The following STK4 variants were observed in gnomAD, a reference collection of about 807,000 sequenced individuals.
The protein encoded by STK4 is serine/threonine-protein kinase 4.
Under a neutral mutation model 64.9 loss-of-function variants are expected in STK4, and 30 were observed. That is an observed-to-expected ratio of 0.46 (90% CI 0.35 to 0.63). The LOEUF is 0.63. Among genes scored for constraint, STK4 ranks in the 20% least tolerant of loss-of-function variants. STK4 has a pLI of 0.01. For synonymous variants in STK4, 177 were observed against 199.0 expected, an observed-to-expected ratio of 0.89 and a Z score of 0.93; for missense variants, 466 against 598.5, an observed-to-expected ratio of 0.78 and a Z score of 2.31.
chr20:45,034,916 C>T (rs1377936189), intron 10 of STK4, among the ~76,000 whole-genome samples: 2 of 151,776 alleles, frequency 1.3e-5, no homozygotes, highest in Non-Finnish European at 2.9e-5. Flanking sequence ...GACCCCATGT[C>T]TTAAAACAAC....
At chr20:44,996,102 A>G (rs2067725105) in intron 6 of STK4, among the ~76,000 whole-genome samples, 1 of 152,060 alleles carries the variant, frequency 6.6e-6, no homozygotes, top group Non-Finnish European at 1.5e-5. Flanking sequence ...TTCATTTTTT[A>G]TCTTTCTTCT....
intron 10 of STK4, among the ~76,000 whole-genome samples, chr20:45,039,318 T>C (rs1333930832): frequency 6.6e-6 from 1 of 152,016 alleles, no homozygotes; most frequent in Non-Finnish European, 1.5e-5. Flanking sequence ...TTAAACAATA[T>C]AAAAAAACCC....
intron 10 of STK4, among the ~76,000 whole-genome samples, chr20:45,059,065 T>C (rs2299978): frequency 0.5 from 76,684 of 151,992 alleles, 20,155 homozygotes; most frequent in African/African-American, 0.62. Flanking sequence ...CACCTGAAAC[T>C]GTAGATAGTA....
chr20:45,007,503 C>T (rs540388358), intron 9 of STK4, among the ~76,000 whole-genome samples: 2 of 151,788 alleles, frequency 1.3e-5, no homozygotes, highest in South Asian at 2.1e-4. Context: ...GCCGAAATCG[C>T]GCCACTGCAC....
chr20:45,008,263 C>T (rs1308398390), intron 9 of STK4, among the ~76,000 whole-genome samples: 1 of 152,164 alleles, frequency 6.6e-6, no homozygotes, highest in African/African-American at 2.4e-5. Flanking sequence ...CCATGTCGTC[C>T]AGGCTGGTCT....
At chr20:44,987,383 A>G (rs2067548226) in intron 5 of STK4, 87 bp downstream of exon 5, 3 of 1,283,430 alleles carry the variant, frequency 2.3e-6, no homozygotes, top group African/African-American at 3.1e-5. Context: ...AAAATATAAT[A>G]CTTGACTTAA....
rs752377172 is a variant in STK4, at chr20:45,025,121, C to T, written c.1296C>T (p.Asp432=). ...SSDWKIPQDG[D]YEFLKSWTVE... Reference sequence around the variant, plus strand: ...ATTGGAAAATACCACAGGATGGAGACTACGAGTTTGTAAGTAGTGTTGGAA... The same window carrying T: ...ATTGGAAAATACCACAGGATGGAGATTACGAGTTTGTAAGTAGTGTTGGAA... Residue 432 remains aspartate (D), a synonymous_variant, in exon 10 of 11, where the codon GAC becomes GAT. Transcript: ENST00000372806. 2.2e-5 allele frequency: 35 copies of T among 1,608,836 alleles called. 1 individual carries two copies. The South Asian group carries it at 3.0e-4, about 14-fold the overall frequency.
intron 7 of STK4, among the ~76,000 whole-genome samples, chr20:45,000,073 T>C: frequency 6.6e-6 from 1 of 152,210 alleles, no homozygotes; most frequent in East Asian, 1.9e-4. Flanking sequence ...CCAAACATTG[T>C]GGCAGCTATA....
intron 1 of STK4, among the ~76,000 whole-genome samples, chr20:44,971,326 G>C (rs934871429): frequency 6.6e-6 from 1 of 152,074 alleles, no homozygotes; most frequent in Non-Finnish European, 1.5e-5. Context: ...CTCATAGGAA[G>C]GTCTTTGTGA....
chr20:44,968,768 A>G (rs1427761996), intron 1 of STK4, among the ~76,000 whole-genome samples: 3 of 152,242 alleles, frequency 2.0e-5, no homozygotes, highest in Non-Finnish European at 4.4e-5. Context: ...AGAGAAGAGC[A>G]TTGCAGGACT....
chr20:45,065,107 T>C (rs565474725), intron 10 of STK4, among the ~76,000 whole-genome samples: 4 of 152,016 alleles, frequency 2.6e-5, no homozygotes, highest in Non-Finnish European at 4.4e-5. Context: ...TATTACTATT[T>C]TGAAGTAGTT....
chr20:45,044,535 T>C (rs559306156), intron 10 of STK4, among the ~76,000 whole-genome samples: 1 of 152,178 alleles, frequency 6.6e-6, no homozygotes, highest in Admixed American at 6.5e-5. Flanking sequence ...GTGCCTGTGG[T>C]CCCAGCTACT....
At chr20:45,025,899 C>T (rs116550258) in intron 10 of STK4, among the ~76,000 whole-genome samples, 1,714 of 152,280 alleles carry the variant, frequency 0.011, 29 homozygotes, top group African/African-American at 0.038. Flanking sequence ...TTCTGGCTTT[C>T]CACTATACTA....
At chr20:45,067,732 GA>G (rs1979703353) in intron 10 of STK4, among the ~76,000 whole-genome samples, 1 of 152,180 alleles carries the variant, frequency 6.6e-6, no homozygotes, top group African/African-American at 2.4e-5. Context: ...AGCCGACTTT[GA>G]AAAATGGTAT....
At chr20:45,034,824 G>A (rs914271456) in intron 10 of STK4, among the ~76,000 whole-genome samples, 2 of 152,102 alleles carry the variant, frequency 1.3e-5, no homozygotes, top group Admixed American at 6.6e-5. Flanking sequence ...GGCTGAGGTG[G>A]GAGGATCTCT....
At chr20:45,058,076 C>T (rs1455053160) in intron 10 of STK4, among the ~76,000 whole-genome samples, 1 of 151,952 alleles carries the variant, frequency 6.6e-6, no homozygotes, top group Non-Finnish European at 1.5e-5. Flanking sequence ...CACACACACA[C>T]ACACACACAC....
chr20:45,062,521 T>G (rs1979127647), intron 10 of STK4, among the ~76,000 whole-genome samples: 1 of 152,252 alleles, frequency 6.6e-6, no homozygotes, highest in South Asian at 2.1e-4. Context: ...CTGCAATAGC[T>G]GAACTAATTT....
At chr20:45,016,603 G>A (rs887074606) in intron 9 of STK4, among the ~76,000 whole-genome samples, 3 of 152,162 alleles carry the variant, frequency 2.0e-5, no homozygotes, top group Non-Finnish European at 4.4e-5. Flanking sequence ...GAGCCAAAAA[G>A]CACAGAACTC....
chr20:45,048,187 T>C (rs962882051), intron 10 of STK4, among the ~76,000 whole-genome samples: 1 of 152,202 alleles, frequency 6.6e-6, no homozygotes, highest in Non-Finnish European at 1.5e-5. Flanking sequence ...GATCCATTGC[T>C]GGTTTCATTA....
Sources: gnomAD v4.1 joint callset for allele counts (sites outside exome capture counted in the v4.1 genomes callset) on GRCh38, gnomAD v4.1.1 for gene constraint, MANE v1.5 for transcripts, NCBI Gene and HGNC (gene_info 2026-07-23, HGNC 2026-07-21) for gene names.